Variants in ZSWIM5 observed in about 807,000 individuals in gnomAD.
ZSWIM5 encodes the protein zinc finger SWIM-type containing 5.
A neutral mutation model predicts 119.6 loss-of-function variants in ZSWIM5; 55 were observed. The observed-to-expected ratio is 0.46, with a 90% CI of 0.37 to 0.58. The LOEUF (loss-of-function observed/expected upper bound fraction) is 0.58, where lower values mean the gene tolerates loss of function less well. Ranked by LOEUF, ZSWIM5 falls within the 20% of genes least tolerant of loss-of-function variation. The pLI, the probability that ZSWIM5 is intolerant of heterozygous loss-of-function variation, is 0.00. For synonymous variants in ZSWIM5, 537 were observed against 606.9 expected, an observed-to-expected ratio of 0.88 and a Z score of 1.69; for missense variants, 1,193 against 1,512.8, an observed-to-expected ratio of 0.79 and a Z score of 3.51.
chr1:45,051,347 G>T, intron 4 of ZSWIM5, 94 bp from the exon 5 acceptor site: 1 of 1,296,126 alleles, frequency 7.7e-7, no homozygotes, highest in Non-Finnish European at 1.0e-6. Flanking sequence ...GGTAGAGAAA[G>T]TTTCCAAAGC....
At chr1:45,172,678 T>A (rs1167948806) in intron 1 of ZSWIM5, among the ~76,000 whole-genome samples, 7 of 151,942 alleles carry the variant, frequency 4.6e-5, no homozygotes, top group Non-Finnish European at 7.4e-5. Flanking sequence ...AAAAATATCC[T>A]CCCCCAAAAG....
Position 45,019,421 on chromosome 1 carries a change from C to A in ZSWIM5, c.2696-105G>T. ...ACTTGGCCTGCAGAGATGAATTCTT[C>A]CTCCTCAGCAACCTTGAGATGATAT... is the stretch of plus-strand genomic sequence containing the variant. On this transcript the variant is annotated intron_variant, in intron 13 of 13. Coordinates refer to ENST00000359600, the MANE Select transcript of ZSWIM5 (RefSeq NM_020883.2). This position sits in a 1 kb window ranked among gnomAD's most constrained non-coding sequence, Gnocchi z 5.0. The A allele has an allele frequency of 7.0e-7, 1 of 1,438,304 alleles. No homozygotes were observed. Among genetic ancestry groups the A allele is most frequent in the Non-Finnish European group, 9.3e-7 (1 of 1,078,582 alleles). 89.1% of individuals were successfully genotyped at this position (1,438,304 alleles called of 1,614,324 possible).
At chr1:45,123,879 A>G (rs1364972858) in intron 1 of ZSWIM5, among the ~76,000 whole-genome samples, 1 of 152,200 alleles carries the variant, frequency 6.6e-6, no homozygotes, top group Non-Finnish European at 1.5e-5. Context: ...CCTTAAAAGC[A>G]GCAAGAGAAA....
At chr1:45,021,701 G>A (rs1037892317) in intron 11 of ZSWIM5, among the ~76,000 whole-genome samples, 6 of 152,170 alleles carry the variant, frequency 3.9e-5, no homozygotes, top group Admixed American at 6.5e-5. Context: ...ATTGGGGACC[G>A]AACCTGGTTC....
intron 2 of ZSWIM5, among the ~76,000 whole-genome samples, chr1:45,066,194 T>A (rs908417647): frequency 6.6e-6 from 1 of 151,858 alleles, no homozygotes; most frequent in Non-Finnish European, 1.5e-5. Context: ...ACATGAACTC[T>A]TCATTTTTTA....
Position 45,030,373 on chromosome 1 carries a change from A to C in ZSWIM5, c.2449+3939T>G, listed in dbSNP as rs529973542. Among the ~76,000 whole-genome samples the C allele has an allele frequency of 1.6e-4, 25 of 152,162 alleles. 1 individual carries two copies. The South Asian group carries it at 1.7e-3, about 10-fold the overall frequency. On this transcript the variant is annotated intron_variant, in intron 11 of 13. Transcript: ENST00000359600. ...GTGATTCTTGTGCCTCAGCCTCCTG[A>C]GTAGCTGGGATTACAGGCATGTGCC...
intron 1 of ZSWIM5, among the ~76,000 whole-genome samples, chr1:45,168,936 T>C (rs1258025283): frequency 6.6e-6 from 1 of 152,102 alleles, no homozygotes; most frequent in Non-Finnish European, 1.5e-5. Context: ...AATTCATTCA[T>C]TTTATCTTAC....
chr1:45,071,044 G>A (rs917453154), intron 2 of ZSWIM5, among the ~76,000 whole-genome samples: 2 of 152,108 alleles, frequency 1.3e-5, no homozygotes, highest in Non-Finnish European at 2.9e-5. Context: ...TGTTTTGATA[G>A]AGACATGCAA....
At chr1:45,105,235 G>C (rs558431802) in intron 1 of ZSWIM5, among the ~76,000 whole-genome samples, 5 of 152,308 alleles carry the variant, frequency 3.3e-5, no homozygotes, top group Admixed American at 3.3e-4. Flanking sequence ...TGCAGACGGA[G>C]TCTCGCTCAC....
At chr1:45,121,880 A>C (rs1449866592) in intron 1 of ZSWIM5, among the ~76,000 whole-genome samples, 2 of 151,818 alleles carry the variant, frequency 1.3e-5, no homozygotes, top group Non-Finnish European at 2.9e-5. Context: ...GAGCCACCAC[A>C]CCTGACCAAG....
At chr1:45,116,880 T>C (rs1032999412) in intron 1 of ZSWIM5, among the ~76,000 whole-genome samples, 1 of 152,186 alleles carries the variant, frequency 6.6e-6, no homozygotes, top group Non-Finnish European at 1.5e-5. Flanking sequence ...TCCATACCCA[T>C]CTTGGATAAG....
chr1:45,167,651 A>C (rs1171770788), intron 1 of ZSWIM5, among the ~76,000 whole-genome samples: 5 of 152,158 alleles, frequency 3.3e-5, no homozygotes, highest in Non-Finnish European at 7.4e-5. Flanking sequence ...AACCCCATCA[A>C]AAAGTGGGCG....
At chr1:45,125,543 C>A (rs1047255627) in intron 1 of ZSWIM5, among the ~76,000 whole-genome samples, 1 of 150,466 alleles carries the variant, frequency 6.6e-6, no homozygotes, top group South Asian at 2.1e-4. Context: ...GGGAGGCCAA[C>A]GCAGGGGGAA....
At chr1:45,116,000 C>T (rs997995068) in intron 1 of ZSWIM5, among the ~76,000 whole-genome samples, 2 of 152,056 alleles carry the variant, frequency 1.3e-5, no homozygotes, top group East Asian at 1.9e-4. Context: ...CCCAGGCACT[C>T]GCAGGCTGAG....
intron 1 of ZSWIM5, among the ~76,000 whole-genome samples, chr1:45,112,194 T>C (rs13373924): frequency 0.021 from 3,138 of 152,274 alleles, 116 homozygotes; most frequent in African/African-American, 0.072. Context: ...AGACAACAAC[T>C]GATCTGTCAC....
At chr1:45,177,318 A>C (rs1044678720) in intron 1 of ZSWIM5, among the ~76,000 whole-genome samples, 1 of 152,146 alleles carries the variant, frequency 6.6e-6, no homozygotes, top group African/African-American at 2.4e-5. Flanking sequence ...GTTGTTATAG[A>C]CTCTAACAAG....
In ZSWIM5 at chr1:45,095,252, T is replaced by A. The variant is rs116394099; in HGVS notation, c.596-7015A>T. On this transcript the variant is annotated intron_variant, in intron 1 of 13. Transcript: ENST00000359600. ...AAGTGAACCTCCCACCTCAGCCTCC[T>A]GAAAAGTTGGAACTACAGGCATGTG... 4.5e-3 allele frequency among the ~76,000 whole-genome samples: 685 copies of A among 152,018 alleles called. 8 individuals are homozygous for A. The highest frequency in any genetic ancestry group is 0.016 in the African/African-American group (647 of 41,484).
intron 1 of ZSWIM5, among the ~76,000 whole-genome samples, chr1:45,180,101 C>T (rs914958377): frequency 1.3e-5 from 2 of 152,180 alleles, no homozygotes; most frequent in Non-Finnish European, 1.5e-5. Flanking sequence ...GGGTGCAGCG[C>T]ACTGTGCGCC....
rs182088001 is a variant in ZSWIM5, at chr1:45,040,367, G to A, written c.1756+25C>T. The A allele has an allele frequency of 8.3e-5, 132 of 1,584,422 alleles. No individual in the cohort carries two copies. In the Admixed American group the frequency reaches 1.1e-3, roughly 13 times the overall value. Reference sequence around the variant, plus strand: ...CCTCATCAGCTTTGGGCCTAAGGGGGTTAGATGGCTCCTAATTACTATACC... The same window carrying A: ...CCTCATCAGCTTTGGGCCTAAGGGGATTAGATGGCTCCTAATTACTATACC... On this transcript the variant is annotated intron_variant, in intron 7 of 13. Coordinates refer to ENST00000359600, the MANE Select transcript of ZSWIM5 (RefSeq NM_020883.2).
Sources: gnomAD v4.1 joint callset for allele counts (sites outside exome capture counted in the v4.1 genomes callset) on GRCh38, gnomAD v4.1.1 for gene constraint, Gnocchi (gnomAD v3.1) non-coding constraint, MANE v1.5 for transcripts, NCBI Gene and HGNC (gene_info 2026-07-23, HGNC 2026-07-21) for gene names.